Variants in ACAP3 observed in about 807,000 individuals in gnomAD.
ACAP3 encodes the protein arf-GAP with coiled-coil, ANK repeat and PH domain-containing protein 3.
A neutral mutation model predicts 104.1 loss-of-function variants in ACAP3; 56 were observed. The ratio of observed to expected loss-of-function variants is 0.54; its 90% CI spans 0.43 to 0.67. The LOEUF (loss-of-function observed/expected upper bound fraction) is 0.67, where lower values mean the gene tolerates loss of function less well. Ranked by LOEUF, ACAP3 falls within the 30% of genes least tolerant of loss-of-function variation. ACAP3 has a pLI of 0.00. For missense variants in ACAP3, 1,208 were observed against 1,174.9 expected, an observed-to-expected ratio of 1.03 and a Z score of -0.41; for synonymous variants, 628 against 496.2, an observed-to-expected ratio of 1.27 and a Z score of -3.53.
In ACAP3 at chr1:1,303,566, G is replaced by A; in HGVS notation, c.106-285C>T. On this transcript the variant is annotated intron_variant, in intron 2 of 23. Coordinates refer to ENST00000354700, the MANE Select transcript of ACAP3 (RefSeq NM_030649.3). The surrounding 1 kb of genome is among the most constrained non-coding windows in gnomAD (Gnocchi z 4.0). ...GACCAGCAGAACCAGCCCATGTGGG[G>A]CTCATGGATAAGGCTGCCCACTCCC... is the stretch of plus-strand genomic sequence containing the variant. 1.8e-6 allele frequency: 1 copy of A among 542,120 alleles called. No individual in the cohort carries two copies. Among genetic ancestry groups the A allele is most frequent in the South Asian group, 2.1e-5 (1 of 47,768 alleles). The allele number at this position is 542,120 out of a possible 1,614,324, so 33.6% of individuals were successfully genotyped here.
intron 14 of ACAP3, among the ~76,000 whole-genome samples, chr1:1,296,850 C>T (rs1383114728): frequency 6.8e-6 from 1 of 147,290 alleles, no homozygotes; most frequent in Non-Finnish European, 1.5e-5. Context: ...CTCACGTGGA[C>T]AGGTGGCGCC....
chr1:1,296,938 C>T (rs112639104), intron 14 of ACAP3, among the ~76,000 whole-genome samples: 1 of 152,222 alleles, frequency 6.6e-6, no homozygotes, highest in Non-Finnish European at 1.5e-5. Flanking sequence ...CCCACACGCG[C>T]GTGTATACGT....
intron 22 of ACAP3, 40 bp from the exon 23 acceptor site, chr1:1,293,973 G>T: frequency 6.7e-7 from 1 of 1,497,340 alleles, no homozygotes. Context: ...GGGCGGGGCG[G>T]GGCGGGGCGA....
At chr1:1,301,653 C>T (rs1476499140) in intron 5 of ACAP3, 6 of 218,570 alleles carry the variant, frequency 2.7e-5, no homozygotes, top group Non-Finnish European at 5.4e-5. Flanking sequence ...CTGCTGACCC[C>T]GATCATCTGC....
Position 1,293,850 on chromosome 1 carries a change from T to C in ACAP3, c.2333A>G (p.Gln778Arg), listed in dbSNP as rs1570624661. Residue 778 changes from glutamine to arginine, a missense_variant, in exon 23 of 24, where the codon CAG becomes CGG. Gln to Arg is a conservative substitution (Grantham distance 43). Transcript: ENST00000354700. ...EQRDPLAIAVQAANADIVTLL... is the reference protein window; with the variant it reads ...EQRDPLAIAVRAANADIVTLL... ...TGTCACGATGTCAGCGTTGGCCGCC[T>C]GCACTGCGATGGCCAACGGGTCCCG... 2 of 1,518,478 alleles carry C rather than the reference T, an allele frequency of 1.3e-6. No individual in the cohort carries two copies. Among genetic ancestry groups the C allele is most frequent in the Non-Finnish European group, 1.8e-6 (2 of 1,136,904 alleles). 94.1% of individuals were successfully genotyped at this position (1,518,478 alleles called of 1,614,324 possible). A position where few individuals can be genotyped will look rare whatever the true frequency, so the allele number is the denominator to read the frequency against.
intron 1 of ACAP3, among the ~76,000 whole-genome samples, chr1:1,306,366 T>C (rs77293210): frequency 0.068 from 10,337 of 152,104 alleles, 736 homozygotes; most frequent in African/African-American, 0.18. Flanking sequence ...TCAGCCAGGG[T>C]CCAGCCCCCA....
chr1:1,302,969 G>C lies in ACAP3; in HGVS notation c.232C>G (p.Leu78Val). 1 of 1,610,980 alleles carries C rather than the reference G, an allele frequency of 6.2e-7. No individual in the cohort carries two copies. The highest frequency in any genetic ancestry group is 8.5e-7 in the Non-Finnish European group (1 of 1,179,034). ...TGTAGGCTGTCAGCGAACCTCTGCA[G>C]ACATTCCTGGAGGAGCAGATGGGAA... ...CQGDTVISEC[L>V]QRFADSLQEV... The change falls in exon 4 of 24, where the codon CTG (leucine) becomes GTG (valine). Residue 78 changes from leucine (L) to valine (V), a missense_variant. By Grantham distance (32) the Leu-to-Val change is conservative. Transcript: ENST00000354700.
chr1:1,299,726 G>C, intron 9 of ACAP3, 105 bp downstream of exon 9: 1 of 1,314,420 alleles, frequency 7.6e-7, no homozygotes, highest in Non-Finnish European at 1.0e-6. Flanking sequence ...GGGCAGGTGG[G>C]AGACAGGCAG....
At position 1,302,800 on chromosome 1, in the gene ACAP3, C is replaced by A. The variant is rs868050278; in HGVS notation, c.279+122G>T. 1.6e-4 allele frequency: 49 copies of A among 304,724 alleles called. 4 individuals carry two copies. The Middle Eastern group carries it at 3.7e-3, about 23-fold the overall frequency. The allele number at this position is 304,724 out of a possible 1,614,324, so 18.9% of individuals were successfully genotyped here. On this transcript the variant is annotated intron_variant, in intron 4 of 23. Coordinates refer to ENST00000354700, the MANE Select transcript of ACAP3 (RefSeq NM_030649.3). ...CTGACTTGAAAATGTGGGATTCCCCCCCCCCCCGACTAGAGGAGCAGAAAC... is the reference window on the plus strand; with the variant it reads ...CTGACTTGAAAATGTGGGATTCCCCACCCCCCCGACTAGAGGAGCAGAAAC...
Position 1,296,419 on chromosome 1 carries a change from G to A in ACAP3, c.1337+6C>T. 1 of 1,545,750 alleles carries A rather than the reference G, an allele frequency of 6.5e-7. No individual in the cohort carries two copies. Among genetic ancestry groups the A allele is most frequent in the Admixed American group, 2.0e-5 (1 of 50,998 alleles). On this transcript the variant is annotated splice_donor_region_variant and intron_variant, in intron 15 of 23. Transcript: ENST00000354700. ...CCCACCCCCAGCCTGGCCCTCAGGG[G>A]CCCACCTGTGGATGCCGGAGCACTC...
rs900116139 is a variant in ACAP3 at position 1,293,711 on chromosome 1, A to G, written c.2361-3T>C. On this transcript the variant is annotated splice_region_variant and splice_polypyrimidine_tract_variant and intron_variant, in intron 23 of 23. Coordinates refer to ENST00000354700, the MANE Select transcript of ACAP3 (RefSeq NM_030649.3). ...CCGCCATGCGCGCCAGACGGAGCCT[A>G]CGGGGAGGCACAGCGTGAGACGCCC... 5.9e-6 allele frequency: 8 copies of G among 1,352,758 alleles called. No individual in the cohort carries two copies. Among genetic ancestry groups the G allele is most frequent in the Non-Finnish European group, 6.6e-6 (7 of 1,064,256 alleles). The allele number at this position is 1,352,758 out of a possible 1,614,324, so 83.8% of individuals were successfully genotyped here. A position where few individuals can be genotyped will look rare whatever the true frequency, so the allele number is the denominator to read the frequency against.
In ACAP3 at chr1:1,295,729, C is replaced by CT; in HGVS notation, c.1705+6dup. ...CCTCCCAGCCCTGCCGGGGCATGGCCTCCCACCTGAGGACAGAGCGGCCAC... is the reference window on the plus strand; with the variant it reads ...CCTCCCAGCCCTGCCGGGGCATGGCCTTCCCACCTGAGGACAGAGCGGCCAC... On this transcript the variant is annotated splice_region_variant and intron_variant, in intron 18 of 23. Transcript: ENST00000354700. The CT allele has an allele frequency of 6.3e-7, 1 of 1,594,916 alleles. No homozygotes were observed. The highest frequency in any genetic ancestry group is 8.5e-7 in the Non-Finnish European group (1 of 1,171,598).
At position 1,303,952 on chromosome 1, in the gene ACAP3, C is replaced by T; in HGVS notation, c.105+134G>A. 1.9e-6 allele frequency: 2 copies of T among 1,067,614 alleles called. No homozygotes were observed. Among genetic ancestry groups the T allele is most frequent in the East Asian group, 2.6e-5 (1 of 38,532 alleles). The allele number at this position is 1,067,614 out of a possible 1,614,324, so 66.1% of individuals were successfully genotyped here. A position where few individuals can be genotyped will look rare whatever the true frequency, so the allele number is the denominator to read the frequency against. On this transcript the variant is annotated intron_variant, in intron 2 of 23. Coordinates refer to ENST00000354700, the MANE Select transcript of ACAP3 (RefSeq NM_030649.3). This position sits in a 1 kb window ranked among gnomAD's most constrained non-coding sequence, Gnocchi z 4.0. ...AACACACATGCTAAGACACAGGGAC[C>T]AGGACCTGGAGCACCACACGCATGC...
At chr1:1,299,274 G>C in intron 10 of ACAP3, 71 bp downstream of exon 10, 1 of 1,551,816 alleles carries the variant, frequency 6.4e-7, no homozygotes, top group Non-Finnish European at 8.8e-7. Flanking sequence ...CCTTGGGGTA[G>C]AGGAGGGAAA....
chr1:1,296,817 G>A (rs372790576), intron 14 of ACAP3, among the ~76,000 whole-genome samples, 184 bp from the exon 15 acceptor site: 2 of 123,036 alleles, frequency 1.6e-5, no homozygotes, highest in Non-Finnish European at 3.2e-5. Context: ...GCACACGCCC[G>A]CACACGCACA....
chr1:1,303,948 G>T lies in ACAP3; in HGVS notation c.105+138C>A. The stretch of plus-strand genomic sequence containing the variant: ...CTGGAACACACATGCTAAGACACAG[G>T]GACCAGGACCTGGAGCACCACACGC... On this transcript the variant is annotated intron_variant, in intron 2 of 23. Coordinates refer to ENST00000354700, the MANE Select transcript of ACAP3 (RefSeq NM_030649.3). This position sits in a 1 kb window ranked among gnomAD's most constrained non-coding sequence, Gnocchi z 4.0. 9.9e-7 allele frequency: 1 copy of T among 1,015,092 alleles called. No homozygotes were observed. The highest frequency in any genetic ancestry group is 1.4e-6 in the Non-Finnish European group (1 of 690,802). The allele number at this position is 1,015,092 out of a possible 1,614,324, so 62.9% of individuals were successfully genotyped here.
In ACAP3 at chr1:1,297,831, G is replaced by T; in HGVS notation, c.1119C>A (p.Cys373Ter). 1 of 1,611,356 alleles carries T rather than the reference G, an allele frequency of 6.2e-7. No individual in the cohort carries two copies. ...ASAYRESPDS[C>*]YSERLDRTAS... ...GCACCAAGGGCCACACCTCGCTATA[G>T]CAACTGTCAGGGCTCTCGCGGTAGG... Residue 373 changes from cysteine to a stop codon, truncating the protein, a stop_gained, in exon 14 of 24, where the codon TGC becomes TGA. Transcript: ENST00000354700. LOFTEE classifies it high-confidence loss of function.
At chr1:1,294,309 A>G in intron 21 of ACAP3, 93 bp downstream of exon 21, 1 of 1,503,992 alleles carries the variant, frequency 6.6e-7, no homozygotes, top group Non-Finnish European at 9.0e-7. Flanking sequence ...CGTGGTCCCC[A>G]CCGCGGACAG....
chr1:1,294,655 G>A (rs2100396699), intron 20 of ACAP3, 27 bp from the exon 21 acceptor site: 1 of 1,533,608 alleles, frequency 6.5e-7, no homozygotes, highest in Admixed American at 2.0e-5. Flanking sequence ...GTCAGGGAAA[G>A]CAACCCCCGG....
Sources: gnomAD v4.1 joint callset for allele counts (sites outside exome capture counted in the v4.1 genomes callset) on GRCh38, gnomAD v4.1.1 for gene constraint, Gnocchi (gnomAD v3.1) non-coding constraint, MANE v1.5 for transcripts, NCBI Gene and HGNC (gene_info 2026-07-23, HGNC 2026-07-21) for gene names.